Variants in SEPTIN14 observed in about 807,000 individuals in gnomAD.
The protein encoded by SEPTIN14 is septin-14.
Under a neutral mutation model 53.6 loss-of-function variants are expected in SEPTIN14, and 40 were observed. That is an observed-to-expected ratio of 0.75 (90% CI 0.58 to 0.97). The LOEUF (loss-of-function observed/expected upper bound fraction) is 0.97. Among genes scored for constraint, SEPTIN14 ranks in the 50% least tolerant of loss-of-function variants. The pLI is 0.00. For missense variants in SEPTIN14, 471 were observed against 508.2 expected (o/e 0.93, Z 0.70); for synonymous variants, 138 against 166.8 (o/e 0.83, Z 1.33).
chr7:55,859,866 G>A (rs1295585766), intron 2 of SEPTIN14, among the ~76,000 whole-genome samples: 1 of 152,144 alleles, frequency 6.6e-6, no homozygotes, highest in African/African-American at 2.4e-5. Context: ...GGATTAAAAA[G>A]TTGTATATAT....
chr7:55,806,116 C>T (rs1035367643), intron 8 of SEPTIN14, among the ~76,000 whole-genome samples: 28 of 152,112 alleles, frequency 1.8e-4, no homozygotes, highest in African/African-American at 6.5e-4. Context: ...CCTGCCTCAG[C>T]CTCCCGAGTT....
intron 2 of SEPTIN14, among the ~76,000 whole-genome samples, chr7:55,861,164 GT>G (rs1789742781): frequency 6.6e-6 from 1 of 152,152 alleles, no homozygotes; most frequent in Admixed American, 6.6e-5. Flanking sequence ...ATAGGCCAAT[GT>G]TTCAGTCCCT....
chr7:55,827,792 AC>A (rs1789016956), intron 6 of SEPTIN14, among the ~76,000 whole-genome samples: 1 of 152,174 alleles, frequency 6.6e-6, no homozygotes, highest in Admixed American at 6.5e-5. Context: ...GCTGGCTCTT[AC>A]TCATAAGTGC....
intron 5 of SEPTIN14, among the ~76,000 whole-genome samples, chr7:55,840,520 G>A (rs1387703743): frequency 6.6e-6 from 1 of 151,938 alleles, no homozygotes; most frequent in African/African-American, 2.4e-5. Flanking sequence ...GGACACCCCG[G>A]AGACACTAGG....
intron 7 of SEPTIN14, chr7:55,811,416 T>C (rs1328332947): frequency 6.5e-6 from 3 of 460,572 alleles, no homozygotes; most frequent in Non-Finnish European, 1.3e-5. Context: ...AGCCATGGTG[T>C]TGGGTGGAGG....
intron 7 of SEPTIN14, among the ~76,000 whole-genome samples, chr7:55,807,845 G>C (rs1301770804): frequency 6.6e-6 from 1 of 151,948 alleles, no homozygotes; most frequent in Non-Finnish European, 1.5e-5. Context: ...TAAAAGAGAA[G>C]GCACGGAAAG....
intron 9 of SEPTIN14, among the ~76,000 whole-genome samples, chr7:55,799,415 G>C (rs1020642373): frequency 6.6e-6 from 1 of 151,066 alleles, no homozygotes; most frequent in Admixed American, 6.6e-5. Context: ...CTACTCAGGA[G>C]GCTGAGGCAG....
chr7:55,846,576 G>C lies in SEPTIN14; in HGVS notation c.116C>G (p.Pro39Arg). The C allele has an allele frequency of 6.3e-7, 1 of 1,582,890 alleles. No homozygotes were observed. Among genetic ancestry groups the C allele is most frequent in the Non-Finnish European group, 8.7e-7 (1 of 1,154,022 alleles). ...TIGHFGFECL[P>R]NQLVSRSIRQ... The stretch of plus-strand genomic sequence containing the variant: ...GATAGATCTGCTCACCAACTGATTG[G>C]GCAAACATTCAAAACCAAAATGTCC... Residue 39 changes from proline to arginine, a missense_variant, in exon 3 of 10, where the codon CCC becomes CGC. Coordinates refer to ENST00000388975, the MANE Select transcript of SEPTIN14 (RefSeq NM_207366.3).
At chr7:55,826,977 G>C (rs1313920038) in intron 6 of SEPTIN14, among the ~76,000 whole-genome samples, 13 of 152,088 alleles carry the variant, frequency 8.5e-5, no homozygotes, top group Non-Finnish European at 1.6e-4. Flanking sequence ...TTTTCTGCCA[G>C]CTGTGTGGGG....
At position 55,808,772 on chromosome 7, in the gene SEPTIN14, G is replaced by A. The variant is rs147702888; in HGVS notation, c.818-1514C>T. Among the ~76,000 whole-genome samples, 187 of 152,094 alleles carry A rather than the reference G, an allele frequency of 1.2e-3. 4 individuals carry two copies. The East Asian group carries it at 0.031, about 25-fold the overall frequency. On this transcript the variant is annotated intron_variant, in intron 7 of 9. Coordinates refer to ENST00000388975, the MANE Select transcript of SEPTIN14 (RefSeq NM_207366.3). The stretch of plus-strand genomic sequence containing the variant: ...TCACCATGTTGACCAAGATGGTTTC[G>A]AACTCCTGACCTCAGGTGATCCACT...
At position 55,843,190 on chromosome 7, in the gene SEPTIN14, C is replaced by G. The variant is rs370177190; in HGVS notation, c.372-62G>C. On this transcript the variant is annotated intron_variant, in intron 4 of 9. Coordinates refer to ENST00000388975, the MANE Select transcript of SEPTIN14 (RefSeq NM_207366.3). ...ATAAAATCTAAAGCCTGCTTTTTGACCACTTAATGAGCAGTTAACATGTAT... is the reference window on the plus strand; with the variant it reads ...ATAAAATCTAAAGCCTGCTTTTTGAGCACTTAATGAGCAGTTAACATGTAT... 32 of 1,014,694 alleles carry G rather than the reference C, an allele frequency of 3.2e-5. No homozygotes were observed. In the African/African-American group the frequency reaches 4.6e-4, roughly 14 times the overall value. 62.9% of individuals were successfully genotyped at this position (1,014,694 alleles called of 1,614,324 possible). A position where few individuals can be genotyped will look rare whatever the true frequency, so the allele number is the denominator to read the frequency against.
At chr7:55,811,204 A>G (rs1788699564) in intron 7 of SEPTIN14, 3 of 522,282 alleles carry the variant, frequency 5.7e-6, no homozygotes, top group South Asian at 1.5e-5. Context: ...CATTCATGCC[A>G]TTCATCTTTG....
At chr7:55,835,288 C>T (rs1331541304) in intron 5 of SEPTIN14, among the ~76,000 whole-genome samples, 4 of 151,820 alleles carry the variant, frequency 2.6e-5, no homozygotes, top group Non-Finnish European at 4.4e-5. Context: ...CTGCAAGCTC[C>T]GCCTCCCAGG....
intron 6 of SEPTIN14, among the ~76,000 whole-genome samples, chr7:55,820,726 G>C (rs996118423): frequency 1.3e-5 from 2 of 152,086 alleles, no homozygotes; most frequent in Admixed American, 6.6e-5. Flanking sequence ...GATCACCTGA[G>C]GTCAGGAGTT....
chr7:55,809,120 A>G (rs1788654458), intron 7 of SEPTIN14, among the ~76,000 whole-genome samples: 1 of 152,122 alleles, frequency 6.6e-6, no homozygotes, highest in African/African-American at 2.4e-5. Context: ...AGCAACATGA[A>G]TGGAGCTGAA....
chr7:55,819,555 C>A (rs1421888021), intron 6 of SEPTIN14, among the ~76,000 whole-genome samples: 1 of 152,132 alleles, frequency 6.6e-6, no homozygotes, highest in East Asian at 1.9e-4. Context: ...TACCACTGCA[C>A]CCCAGCCTGG....
chr7:55,852,979 T>A (rs1789545449), intron 2 of SEPTIN14, among the ~76,000 whole-genome samples: 2 of 152,170 alleles, frequency 1.3e-5, no homozygotes, highest in African/African-American at 4.8e-5. Context: ...CAATCAAACC[T>A]ACAATGATAT....
chr7:55,833,218 G>A (rs1013432749), intron 6 of SEPTIN14, among the ~76,000 whole-genome samples: 1 of 151,926 alleles, frequency 6.6e-6, no homozygotes, highest in Non-Finnish European at 1.5e-5. Flanking sequence ...GGGAGGCTGA[G>A]GGAGGAGAAT....
At chr7:55,813,728 C>G (rs975163983) in intron 7 of SEPTIN14, among the ~76,000 whole-genome samples, 1 of 152,136 alleles carries the variant, frequency 6.6e-6, no homozygotes, top group African/African-American at 2.4e-5. Flanking sequence ...GTAAAACACA[C>G]CACTAAGCCC....
Sources: gnomAD v4.1 joint callset for allele counts (sites outside exome capture counted in the v4.1 genomes callset) on GRCh38, gnomAD v4.1.1 for gene constraint, MANE v1.5 for transcripts, NCBI Gene and HGNC (gene_info 2026-07-23, HGNC 2026-07-21) for gene names.